Variants in UBE2L3 observed in about 807,000 individuals in gnomAD.
UBE2L3 encodes the protein ubiquitin-conjugating enzyme E2 L3.
Under a neutral mutation model 17.8 loss-of-function variants are expected in UBE2L3, and 1 was observed. The ratio of observed to expected loss-of-function variants is 0.06; its 90% CI spans 0.02 to 0.27. The LOEUF is 0.27. Ranked by LOEUF, UBE2L3 falls within the 10% of genes least tolerant of loss-of-function variation. The probability of loss-of-function intolerance (pLI) is 1.00; values close to 1 mark genes in which losing one functional copy is unlikely to be tolerated. For synonymous variants in UBE2L3, 44 were observed against 68.5 expected (o/e 0.64, Z 1.76); for missense variants, 40 against 192.6 (o/e 0.21, Z 4.69).
At chr22:21,561,275 T>C (rs1926421317) in intron 1 of UBE2L3, among the ~76,000 whole-genome samples, 2 of 152,298 alleles carry the variant, frequency 1.3e-5, no homozygotes, top group South Asian at 4.1e-4. Context: ...GGTGCTGCCT[T>C]TGCACTCAAA....
intron 1 of UBE2L3, among the ~76,000 whole-genome samples, chr22:21,577,151 G>A (rs751695137): frequency 1.3e-5 from 2 of 151,728 alleles, no homozygotes; most frequent in East Asian, 1.9e-4. Flanking sequence ...TGTATTTTTA[G>A]TAGAAACGGG....
At chr22:21,608,968 C>T (rs544080610) in intron 2 of UBE2L3, among the ~76,000 whole-genome samples, 12 of 152,088 alleles carry the variant, frequency 7.9e-5, no homozygotes, top group African/African-American at 2.9e-4. Flanking sequence ...AATCTCCACT[C>T]ACTGCAAGCT....
chr22:21,598,728 C>G (rs1928693180), intron 2 of UBE2L3, among the ~76,000 whole-genome samples: 1 of 151,758 alleles, frequency 6.6e-6, no homozygotes, highest in African/African-American at 2.4e-5. Context: ...TAAATGGGTT[C>G]TCCCTGTGTT....
In UBE2L3 at chr22:21,597,775, A is replaced by ATTTTT. The variant is rs35054754; in HGVS notation, c.123+4847_123+4851dup. ...GGATCTTTGATCCATTTATATGTAG[A>ATTTTT]TTTTTTTTTTTTTTTTTTTTTTTTT... On this transcript the variant is annotated intron_variant, in intron 2 of 3. Coordinates refer to ENST00000342192, the MANE Select transcript of UBE2L3 (RefSeq NM_003347.4). Among the ~76,000 whole-genome samples, 100 of 25,604 alleles carry ATTTTT rather than the reference A, an allele frequency of 3.9e-3. 19 individuals carry two copies. The highest frequency in any genetic ancestry group is 0.011 in the African/African-American group (69 of 6,514). 16.8% of individuals were successfully genotyped at this position (25,604 alleles called of 152,430 possible).
intron 1 of UBE2L3, among the ~76,000 whole-genome samples, chr22:21,576,443 G>T (rs563250705): frequency 6.6e-6 from 1 of 151,920 alleles, no homozygotes. Context: ...GACTACAAGT[G>T]CCCGCCACCA....
intron 2 of UBE2L3, among the ~76,000 whole-genome samples, chr22:21,596,308 C>T (rs962657656): frequency 6.6e-6 from 1 of 152,132 alleles, no homozygotes; most frequent in African/African-American, 2.4e-5. Flanking sequence ...TCAAGCAATC[C>T]TCCTGAGTAG....
Position 21,571,869 on chromosome 22 carries a change from T to A in UBE2L3, c.27+4098T>A, listed in dbSNP as rs552727445. Among the ~76,000 whole-genome samples, 3 of 152,256 alleles carry A rather than the reference T, an allele frequency of 2.0e-5. No homozygotes were observed. In the East Asian group the frequency reaches 5.8e-4, roughly 29 times the overall value. On this transcript the variant is annotated intron_variant, in intron 1 of 3. Coordinates refer to ENST00000342192, the MANE Select transcript of UBE2L3 (RefSeq NM_003347.4). The stretch of plus-strand genomic sequence containing the variant: ...GGTTTAGATTCTGAGGTTGGGTGAT[T>A]AAGGAGATAGAGCAATGAGTATGTC...
chr22:21,563,243 A>AC (rs1926510472), upstream of UBE2L3, among the ~76,000 whole-genome samples: 1 of 134,768 alleles, frequency 7.4e-6, no homozygotes, highest in Admixed American at 7.4e-5. Context: ...CTCCGTCTCA[A>AC]AAAAAAAAAA....
At chr22:21,621,183 C>T (rs1027119045) in intron 3 of UBE2L3, among the ~76,000 whole-genome samples, 7 of 152,096 alleles carry the variant, frequency 4.6e-5, no homozygotes, top group Admixed American at 2.0e-4. Flanking sequence ...CCCAACCCCC[C>T]GCCAAGAAAA....
intron 3 of UBE2L3, chr22:21,614,497 G>T (rs1262622623): frequency 4.5e-6 from 5 of 1,114,174 alleles, no homozygotes; most frequent in African/African-American, 1.6e-5. Flanking sequence ...ATCTTCCAGC[G>T]CTCTTCCTTT....
intron 3 of UBE2L3, among the ~76,000 whole-genome samples, chr22:21,615,945 C>G (rs565066171): frequency 6.6e-6 from 1 of 152,136 alleles, no homozygotes; most frequent in African/African-American, 2.4e-5. Flanking sequence ...GAAGTGCTGT[C>G]TAGTATTCCT....
intron 2 of UBE2L3, among the ~76,000 whole-genome samples, chr22:21,599,718 A>G (rs996358844): frequency 5.3e-5 from 8 of 152,220 alleles, no homozygotes; most frequent in Non-Finnish European, 1.2e-4. Flanking sequence ...GTATGCACAG[A>G]GAACGTTCTT....
In UBE2L3 at chr22:21,623,326, G is replaced by A. The variant is rs2148454136; in HGVS notation, c.*1657G>A. 6.5e-6 allele frequency: 1 copy of A among 152,846 alleles called. No individual in the cohort carries two copies. The highest frequency in any genetic ancestry group is 2.1e-4 in the South Asian group (1 of 4,830). 9.5% of individuals were successfully genotyped at this position (152,846 alleles called of 1,614,324 possible). ...ACGAACTCGGCTTCTTTTGTCCTAG[G>A]TACGCCAAGGGCAGGTTTCTGGAGA... On this transcript the variant is annotated 3_prime_UTR_variant, in exon 4 of 4. Transcript: ENST00000342192.
intron 3 of UBE2L3, among the ~76,000 whole-genome samples, chr22:21,620,768 G>C (rs571000216): frequency 6.6e-6 from 1 of 152,218 alleles, no homozygotes; most frequent in African/African-American, 2.4e-5. Flanking sequence ...AACTCCTAAG[G>C]GTCTTCCAGA....
intron 1 of UBE2L3, among the ~76,000 whole-genome samples, chr22:21,586,235 CT>C (rs1378578768): frequency 6.6e-6 from 1 of 152,128 alleles, no homozygotes; most frequent in Admixed American, 6.6e-5. Flanking sequence ...GCCACCGCCC[CT>C]GGCTCCTGGC....
chr22:21,594,768 G>T (rs1260415039), intron 2 of UBE2L3, among the ~76,000 whole-genome samples: 1 of 152,136 alleles, frequency 6.6e-6, no homozygotes, highest in African/African-American at 2.4e-5. Context: ...GCCTGTGAGT[G>T]CAGCCCTTGC....
At chr22:21,609,725 T>TTGCA in intron 2 of UBE2L3, among the ~76,000 whole-genome samples, 1 of 150,370 alleles carries the variant, frequency 6.7e-6, no homozygotes, top group East Asian at 2.0e-4. Flanking sequence ...AAGTATGAAG[T>TTGCA]GGGGGAAAAA....
At chr22:21,600,227 C>T (rs970631816) in intron 2 of UBE2L3, among the ~76,000 whole-genome samples, 4 of 152,092 alleles carry the variant, frequency 2.6e-5, no homozygotes, top group African/African-American at 7.2e-5. Context: ...CCAGGAGAAT[C>T]GCTTGAACCG....
chr22:21,617,192 T>C (rs1929825355), intron 3 of UBE2L3, among the ~76,000 whole-genome samples: 1 of 150,018 alleles, frequency 6.7e-6, no homozygotes, highest in South Asian at 2.1e-4. Flanking sequence ...GGAAATATTA[T>C]AGGCTTTATT....
Sources: gnomAD v4.1 joint callset for allele counts (sites outside exome capture counted in the v4.1 genomes callset) on GRCh38, gnomAD v4.1.1 for gene constraint, MANE v1.5 for transcripts, NCBI Gene and HGNC (gene_info 2026-07-23, HGNC 2026-07-21) for gene names.